Variants in PCSK5 observed in about 807,000 individuals in gnomAD.
PCSK5 encodes the protein prohormone convertase 5.
A neutral mutation model predicts 233.2 loss-of-function variants in PCSK5; 129 were observed. That is an observed-to-expected ratio of 0.55 (90% confidence interval 0.48 to 0.64). The LOEUF (loss-of-function observed/expected upper bound fraction) is 0.64, where lower values mean the gene tolerates loss of function less well. Ranked by LOEUF, PCSK5 falls within the 30% of genes least tolerant of loss-of-function variation. The pLI, the probability that PCSK5 is intolerant of heterozygous loss-of-function variation, is 0.00. For missense variants in PCSK5, 2,076 were observed against 2,430.1 expected (o/e 0.85, Z 3.06); for synonymous variants, 825 against 879.2 (o/e 0.94, Z 1.09).
intron 33 of PCSK5, among the ~76,000 whole-genome samples, chr9:76,332,123 A>G (rs11144833): frequency 0.43 from 64,903 of 152,006 alleles, 14,388 homozygotes; most frequent in African/African-American, 0.5. Context: ...TCCACTGAGA[A>G]ATTTGGGTGG....
chr9:76,158,277 A>T (rs1361787402), intron 11 of PCSK5, among the ~76,000 whole-genome samples: 3 of 152,114 alleles, frequency 2.0e-5, no homozygotes, highest in East Asian at 1.9e-4. Flanking sequence ...CAGGGAGGGG[A>T]AATTTAAGCT....
chr9:76,115,019 A>C (rs561478958), intron 9 of PCSK5, among the ~76,000 whole-genome samples: 6 of 152,238 alleles, frequency 3.9e-5, no homozygotes, highest in African/African-American at 1.4e-4. Flanking sequence ...GGTATAGCCA[A>C]CAGGTAATGA....
intron 3 of PCSK5, among the ~76,000 whole-genome samples, chr9:76,003,749 A>G (rs1010285561): frequency 6.6e-6 from 1 of 152,160 alleles, no homozygotes; most frequent in Non-Finnish European, 1.5e-5. Flanking sequence ...TTATAGATCT[A>G]TCCCTTTTGA....
chr9:76,304,399 A>T (rs1428822513), intron 28 of PCSK5, among the ~76,000 whole-genome samples: 5 of 152,200 alleles, frequency 3.3e-5, no homozygotes, highest in Non-Finnish European at 4.4e-5. Context: ...GATTGTCATC[A>T]CAGAAGCTGA....
At position 75,920,778 on chromosome 9, in the gene PCSK5, C is replaced by T. The variant is rs144922368; in HGVS notation, c.193-11601C>T. 3.0e-3 allele frequency among the ~76,000 whole-genome samples: 463 copies of T among 151,902 alleles called. 4 individuals are homozygous for T. The highest frequency in any genetic ancestry group is 0.011 in the African/African-American group (447 of 41,406). On this transcript the variant is annotated intron_variant, in intron 1 of 37. Transcript: ENST00000674117. ...CCGAGATTGCACCACTGCACTATAG[C>T]CTGGGTGACAGAGTAAGACTCTGCC...
Position 75,936,365 on chromosome 9 carries a change from A to G in PCSK5, c.297+3882A>G, listed in dbSNP as rs116343278. On this transcript the variant is annotated intron_variant, in intron 2 of 37. Coordinates refer to ENST00000674117, the MANE Select transcript of PCSK5 (RefSeq NM_001372043.1). ...ACAAAAGATTTCCCTGTAGCATGCA[A>G]TGCTGTTTGATAGCATTTTACCTGC... Among the ~76,000 whole-genome samples, 603 of 152,336 alleles carry G rather than the reference A, an allele frequency of 4.0e-3. 6 individuals are homozygous for G. Among genetic ancestry groups the G allele is most frequent in the African/African-American group, 0.013 (559 of 41,578 alleles).
In PCSK5 at chr9:76,216,903, C is replaced by T. The variant is rs145215812; in HGVS notation, c.2627-10600C>T. Among the ~76,000 whole-genome samples the T allele has an allele frequency of 3.9e-5, 6 of 152,282 alleles. No individual in the cohort carries two copies. In the East Asian group the frequency reaches 1.2e-3, roughly 29 times the overall value. Reference sequence around the variant, plus strand: ...TCACCCAGGCTGGAGTGCAATGGTGCAATTTTGGCTCACTGCAACCTCCAT... The same window carrying T: ...TCACCCAGGCTGGAGTGCAATGGTGTAATTTTGGCTCACTGCAACCTCCAT... On this transcript the variant is annotated intron_variant, in intron 20 of 37. Transcript: ENST00000674117.
intron 21 of PCSK5, among the ~76,000 whole-genome samples, chr9:76,232,403 A>G (rs1056905568): frequency 2.0e-5 from 3 of 152,180 alleles, no homozygotes; most frequent in Non-Finnish European, 2.9e-5. Flanking sequence ...AGAGATGCCA[A>G]TTTGATGTCA....
chr9:76,179,791 T>C (rs985232329), intron 15 of PCSK5, 93 bp downstream of exon 15: 1 of 833,870 alleles, frequency 1.2e-6, no homozygotes, highest in Non-Finnish European at 2.0e-6. Context: ...TGCAGGCCAC[T>C]GGCATCTTCC....
rs1830374686 is a variant in PCSK5 at position 76,358,940 on chromosome 9, A to G, written c.*18A>G. The stretch of plus-strand genomic sequence containing the variant: ...ACCAGTAAACAGGCACTCCCCCACC[A>G]ACACCACCATTCCACTCTCAGGCAT... On this transcript the variant is annotated 3_prime_UTR_variant, in exon 38 of 38. Coordinates refer to ENST00000674117, the MANE Select transcript of PCSK5 (RefSeq NM_001372043.1). 1 of 1,604,846 alleles carries G rather than the reference A, an allele frequency of 6.2e-7. No homozygotes were observed. Among genetic ancestry groups the G allele is most frequent in the Admixed American group, 1.7e-5 (1 of 59,866 alleles).
intron 7 of PCSK5, among the ~76,000 whole-genome samples, chr9:76,079,350 G>A (rs1299741268): frequency 2.0e-5 from 3 of 151,982 alleles, no homozygotes; most frequent in African/African-American, 7.2e-5. Context: ...TGTTGGCCGG[G>A]TTGGTCTCGA....
chr9:76,114,096 A>G (rs1025410112), intron 9 of PCSK5, among the ~76,000 whole-genome samples: 1 of 152,004 alleles, frequency 6.6e-6, no homozygotes, highest in Non-Finnish European at 1.5e-5. Flanking sequence ...GGAGTGTTGT[A>G]TGTTGGGCTT....
chr9:76,085,394 T>G (rs1244613841), intron 7 of PCSK5, among the ~76,000 whole-genome samples: 2 of 152,224 alleles, frequency 1.3e-5, no homozygotes, highest in Non-Finnish European at 2.9e-5. Flanking sequence ...AAACAAATTA[T>G]CAGCGCTTCT....
intron 5 of PCSK5, among the ~76,000 whole-genome samples, chr9:76,056,549 C>T (rs969393757): frequency 6.6e-6 from 1 of 152,152 alleles, no homozygotes; most frequent in Non-Finnish European, 1.5e-5. Flanking sequence ...GATTTTCCAT[C>T]TTCTCAATAA....
At chr9:76,203,476 A>G (rs1824991854) in intron 20 of PCSK5, among the ~76,000 whole-genome samples, 1 of 151,664 alleles carries the variant, frequency 6.6e-6, no homozygotes, top group Non-Finnish European at 1.5e-5. Context: ...GTGTGGTAGA[A>G]GAAGGCAAAA....
chr9:75,944,152 G>T (rs961418847), intron 2 of PCSK5, among the ~76,000 whole-genome samples: 18 of 151,106 alleles, frequency 1.2e-4, no homozygotes, highest in African/African-American at 4.4e-4. Context: ...GACAGAGTGA[G>T]ACTCTATCTC....
chr9:75,892,609 G>A (rs1825660676), intron 1 of PCSK5, among the ~76,000 whole-genome samples: 1 of 152,216 alleles, frequency 6.6e-6, no homozygotes, highest in Admixed American at 6.5e-5. Flanking sequence ...CGGCGGAGTG[G>A]GAGAGTACGG....
intron 22 of PCSK5, 95 bp from the exon 23 acceptor site, chr9:76,238,864 T>C: frequency 1.1e-6 from 1 of 915,478 alleles, no homozygotes; most frequent in Non-Finnish European, 1.7e-6. Flanking sequence ...AAGCACTCAG[T>C]CGCATCTTTT....
chr9:76,059,777 T>TA (rs1037400032), intron 5 of PCSK5, among the ~76,000 whole-genome samples: 9 of 152,200 alleles, frequency 5.9e-5, no homozygotes, highest in Admixed American at 4.6e-4. Context: ...TTTTAAATTC[T>TA]AAAAAATTAT....
Sources: gnomAD v4.1 joint callset for allele counts (sites outside exome capture counted in the v4.1 genomes callset) on GRCh38, gnomAD v4.1.1 for gene constraint, MANE v1.5 for transcripts, NCBI Gene and HGNC (gene_info 2026-07-23, HGNC 2026-07-21) for gene names.